The following UNC13A variants were observed in gnomAD, a reference collection of about 807,000 sequenced individuals.
The protein encoded by UNC13A is unc-13 homolog A.
In UNC13A, 61 loss-of-function variants were observed where a neutral mutation model predicts 219.7. That is an observed-to-expected ratio of 0.28 (90% CI 0.23 to 0.34). UNC13A has a LOEUF of 0.34. UNC13A is among the 10% of genes least tolerant of loss of function. The probability of loss-of-function intolerance (pLI) is 1.00; values close to 1 mark genes in which losing one functional copy is unlikely to be tolerated. For synonymous variants in UNC13A, 920 were observed against 884.6 expected (o/e 1.04, Z -0.71); for missense variants, 1,476 against 2,270.3 (o/e 0.65, Z 7.11).
intron 26 of UNC13A, among the ~76,000 whole-genome samples, chr19:17,634,484 G>A (rs752963915): frequency 1.8e-4 from 27 of 151,948 alleles, no homozygotes; most frequent in East Asian, 3.9e-4. Context: ...GATTACAGGC[G>A]CGAGCCACTA....
intron 3 of UNC13A, 133 bp from the exon 4 acceptor site, chr19:17,672,628 A>G: frequency 1.6e-6 from 1 of 639,402 alleles, no homozygotes; most frequent in East Asian, 2.9e-5. Flanking sequence ...CCTAGGTGGT[A>G]GGGTAACATG....
At chr19:17,645,867 G>A (rs1193725100) in intron 18 of UNC13A, 24 bp from the exon 19 acceptor site, 1 of 1,592,260 alleles carries the variant, frequency 6.3e-7, no homozygotes, top group East Asian at 2.3e-5. Context: ...AGGAGGCAGA[G>A]GCAGGGGTCA....
chr19:17,656,147 T>A lies in UNC13A; in HGVS notation c.1019A>T (p.Asp340Val), dbSNP rs774605967. The A allele has an allele frequency of 6.4e-7, 1 of 1,552,178 alleles. No individual in the cohort carries two copies. Residue 340 changes from aspartate (D) to valine (V), a missense_variant, in exon 10 of 44, where the codon GAT becomes GTT. Physicochemically the swap from Asp to Val is radical, Grantham distance 152. Coordinates refer to ENST00000519716, the MANE Select transcript of UNC13A (RefSeq NM_001080421.3). ...CTCCTCCTCCTCCAGCTCCTCCTCATCTTCAGGCAGCTCCTCCTCCTCCAG... is the reference window on the plus strand; with the variant it reads ...CTCCTCCTCCTCCAGCTCCTCCTCAACTTCAGGCAGCTCCTCCTCCTCCAG... ...DFLEEEELPE[D>V]EEELEEEEEE...
chr19:17,652,787 G>T, intron 11 of UNC13A, 110 bp from the exon 12 acceptor site: 1 of 1,218,614 alleles, frequency 8.2e-7, no homozygotes, highest in Non-Finnish European at 1.2e-6. Flanking sequence ...GATGGCCTGG[G>T]TCCTAGTCCT....
intron 16 of UNC13A, among the ~76,000 whole-genome samples, chr19:17,648,072 C>T (rs2079273527): frequency 6.8e-6 from 1 of 146,982 alleles, no homozygotes. Flanking sequence ...CTCTCTGAGC[C>T]CCTCTTCCTC....
At chr19:17,665,522 G>T (rs6512209) in intron 7 of UNC13A, among the ~76,000 whole-genome samples, 37,794 of 152,058 alleles carry the variant, frequency 0.25, 5,572 homozygotes, top group African/African-American at 0.41. Context: ...GCAGTGGAAA[G>T]GGAAGCAAAG....
chr19:17,617,033 G>A (rs1223961925), intron 41 of UNC13A, among the ~76,000 whole-genome samples: 3 of 152,116 alleles, frequency 2.0e-5, no homozygotes, highest in East Asian at 1.9e-4. Flanking sequence ...CTCCCTCTCC[G>A]TCCACCCTCC....
intron 7 of UNC13A, among the ~76,000 whole-genome samples, chr19:17,666,386 T>A (rs2079647848): frequency 6.6e-6 from 1 of 151,704 alleles, no homozygotes. Flanking sequence ...TCATTTTTTT[T>A]GTATTTATAG....
At chr19:17,668,612 G>A (rs966001918) in intron 5 of UNC13A, among the ~76,000 whole-genome samples, 4 of 151,460 alleles carry the variant, frequency 2.6e-5, no homozygotes, top group East Asian at 1.9e-4. Flanking sequence ...TCAGCCTCCC[G>A]AGTAGCTGGG....
Position 17,645,549 on chromosome 19 carries a change from C to T in UNC13A, c.2356+125G>A. On this transcript the variant is annotated intron_variant, in intron 19 of 43. Transcript: ENST00000519716. ...CTGGGCTCCTAGACCCTGCCTCCCC[C>T]ATCAGATTATGCTCCTCGACCAAAC... 6 of 1,371,008 alleles carry T rather than the reference C, an allele frequency of 4.4e-6. 1 individual carries two copies. In the South Asian group the frequency reaches 7.1e-5, roughly 16 times the overall value. The allele number at this position is 1,371,008 out of a possible 1,614,324, so 84.9% of individuals were successfully genotyped here.
intron 26 of UNC13A, 112 bp from the exon 27 acceptor site, chr19:17,633,305 G>A (rs762239864): frequency 6.9e-6 from 7 of 1,009,958 alleles, no homozygotes; most frequent in Non-Finnish European, 1.0e-5. Context: ...AGGGATTTGG[G>A]TTCAGGTTCC....
rs1253105477 is a variant in UNC13A, at chr19:17,672,404, G to T, written c.244C>A (p.Leu82Met). Residue 82 changes from leucine to methionine, a missense_variant, in exon 4 of 44, where the codon CTG becomes ATG. By Grantham distance (15) the Leu-to-Met change is conservative (BLOSUM62 2). Around this residue, in one of 14 missense-constraint regions of UNC13A, gnomAD observed 203 missense variants for 301.6 expected, o/e 0.67. Transcript: ENST00000519716. ...DTMVGTVWIP[L>M]RTIRQSNEEG... The stretch of plus-strand genomic sequence containing the variant: ...TCATTGGACTGGCGGATGGTCCTCA[G>T]TGGGATCCACACAGTGCCCACCATT... 1.2e-6 allele frequency: 2 copies of T among 1,613,578 alleles called. No individual in the cohort carries two copies. The highest frequency in any genetic ancestry group is 1.7e-6 in the Non-Finnish European group (2 of 1,179,826).
Position 17,617,637 on chromosome 19 carries a change from T to G in UNC13A, c.4558+65A>C, listed in dbSNP as rs1599833120. 1.9e-6 allele frequency: 3 copies of G among 1,589,756 alleles called. No individual in the cohort carries two copies. In the East Asian group the frequency reaches 6.8e-5, roughly 36 times the overall value. On this transcript the variant is annotated intron_variant, in intron 41 of 43. Transcript: ENST00000519716. ...CAGGGGAGTGAGCCAATGGCAGCCG[T>G]TCAGGCTTGGGGCGGGGCTGTCTCC...
Position 17,627,620 on chromosome 19 carries a change from A to G in UNC13A, c.3832-23T>C, listed in dbSNP as rs1399827001. The G allele has an allele frequency of 1.9e-6, 3 of 1,544,688 alleles. No individual in the cohort carries two copies. The African/African-American group carries it at 4.1e-5, about 21-fold the overall frequency. Reference sequence around the variant, plus strand: ...CAGCTAAGGAGGGAGAAGGGACACCAGGCCAGGTTCAGTAAGTATCCACAT... The same window carrying G: ...CAGCTAAGGAGGGAGAAGGGACACCGGGCCAGGTTCAGTAAGTATCCACAT... On this transcript the variant is annotated intron_variant, in intron 32 of 43. Transcript: ENST00000519716. The surrounding 1 kb of genome is among the most constrained non-coding windows in gnomAD (Gnocchi z 4.7).
intron 16 of UNC13A, 42 bp from the exon 17 acceptor site, chr19:17,647,534 C>T: frequency 1.9e-6 from 3 of 1,579,890 alleles, no homozygotes; most frequent in Non-Finnish European, 2.6e-6. Flanking sequence ...GCGCGCCCTG[C>T]ATAGTGGCCC....
Position 17,674,807 on chromosome 19 carries a change from G to A in UNC13A, c.53-51C>T. 2 of 1,483,080 alleles carry A rather than the reference G, an allele frequency of 1.3e-6. No homozygotes were observed. The highest frequency in any genetic ancestry group is 1.9e-6 in the Non-Finnish European group (2 of 1,062,000). 91.9% of individuals were successfully genotyped at this position (1,483,080 alleles called of 1,614,324 possible). ...CGCTGGGGCTCAGGGACTCTCCAATGCCCCTTCCCAAGCTCTAGACCATCT... is the reference window on the plus strand; with the variant it reads ...CGCTGGGGCTCAGGGACTCTCCAATACCCCTTCCCAAGCTCTAGACCATCT... On this transcript the variant is annotated intron_variant, in intron 2 of 43. Transcript: ENST00000519716. The surrounding 1 kb of genome is among the most constrained non-coding windows in gnomAD (Gnocchi z 5.0).
In UNC13A at chr19:17,626,799, AG is replaced by A. The variant is rs1448748581; in HGVS notation, c.3921-15del. 6 of 1,607,364 alleles carry A rather than the reference AG, an allele frequency of 3.7e-6. No individual in the cohort carries two copies. In the African/African-American group the frequency reaches 8.0e-5, roughly 21 times the overall value. ...TGCGGCTGGAAGCTGGGGACACAGA[AG>A]GGAAGGGCTCAGACCACAGGAAGGG... is the stretch of plus-strand genomic sequence containing the variant. On this transcript the variant is annotated splice_polypyrimidine_tract_variant and intron_variant, in intron 33 of 43. Coordinates refer to ENST00000519716, the MANE Select transcript of UNC13A (RefSeq NM_001080421.3).
chr19:17,670,682 T>A (rs1388680299), intron 4 of UNC13A, among the ~76,000 whole-genome samples: 1 of 152,004 alleles, frequency 6.6e-6, no homozygotes, highest in South Asian at 2.1e-4. Flanking sequence ...GGTGGGCGGA[T>A]CACTTGAGGT....
intron 10 of UNC13A, 131 bp from the exon 11 acceptor site, chr19:17,655,513 A>C: frequency 1.3e-6 from 1 of 778,838 alleles, no homozygotes; most frequent in South Asian, 1.8e-5. Context: ...ATTAGGACCC[A>C]CGTGAGTCCC....
Sources: gnomAD v4.1 joint callset for allele counts (sites outside exome capture counted in the v4.1 genomes callset) on GRCh38, gnomAD v4.1.1 for gene constraint, gnomAD v4.1.1 regional missense constraint, Gnocchi (gnomAD v3.1) non-coding constraint, MANE v1.5 for transcripts, NCBI Gene and HGNC (gene_info 2026-07-23, HGNC 2026-07-21) for gene names.